The following LIPC variants were observed in gnomAD, a reference collection of about 807,000 sequenced individuals.
LIPC encodes the protein hepatic triacylglycerol lipase.
LIPC carries 44 observed loss-of-function variants against 50.7 expected under a neutral mutation model. The ratio of observed to expected loss-of-function variants is 0.87; its 90% CI spans 0.68 to 1.11. LIPC has a LOEUF of 1.11. Ranked by LOEUF, LIPC falls within the 50% of genes most tolerant of loss-of-function variation. LIPC has a pLI of 0.00. For synonymous variants in LIPC, 271 were observed against 256.4 expected (o/e 1.06, Z -0.54); for missense variants, 697 against 648.2 (o/e 1.08, Z -0.82).
At chr15:58,527,247 C>G (rs1362029856) in intron 1 of LIPC, among the ~76,000 whole-genome samples, 1 of 152,178 alleles carries the variant, frequency 6.6e-6, no homozygotes, top group Non-Finnish European at 1.5e-5. Flanking sequence ...AGTCACTGAA[C>G]CCCTCCTTAT....
At chr15:58,452,677 A>G (rs1316468508) in intron 1 of LIPC, among the ~76,000 whole-genome samples, 2 of 133,936 alleles carry the variant, frequency 1.5e-5, no homozygotes, top group African/African-American at 5.5e-5. Flanking sequence ...GGGATAGGAT[A>G]GTTCTGCTCT....
chr15:58,473,851 T>C (rs1343758209), intron 1 of LIPC: 3 of 152,404 alleles, frequency 2.0e-5, no homozygotes, highest in Non-Finnish European at 4.4e-5. Flanking sequence ...TCCAATAAGA[T>C]CAAGAGTCTT....
At chr15:58,545,170 A>T (rs1439470876) in intron 4 of LIPC, among the ~76,000 whole-genome samples, 2 of 152,314 alleles carry the variant, frequency 1.3e-5, no homozygotes, top group African/African-American at 4.8e-5. Context: ...GATGGTCTTG[A>T]AAGTAGCTTG....
chr15:58,436,873 A>G (rs1893316420), intron 1 of LIPC: 1 of 456,320 alleles, frequency 2.2e-6, no homozygotes, highest in Non-Finnish European at 4.4e-6. Context: ...GATAAAGTAC[A>G]TGTGCTTTTC....
At chr15:58,552,297 G>GAC (rs1253638022) in intron 6 of LIPC, among the ~76,000 whole-genome samples, 1 of 152,192 alleles carries the variant, frequency 6.6e-6, no homozygotes, top group Non-Finnish European at 1.5e-5. Context: ...CACACACAGA[G>GAC]ACACGGTCAG....
intron 1 of LIPC, among the ~76,000 whole-genome samples, chr15:58,449,579 G>A (rs1337291362): frequency 1.3e-5 from 2 of 151,104 alleles, no homozygotes; most frequent in Admixed American, 6.6e-5. Flanking sequence ...TTAAGACAGA[G>A]TCTCACTCTG....
At chr15:58,529,953 G>A (rs755868553) in intron 1 of LIPC, among the ~76,000 whole-genome samples, 8 of 152,220 alleles carry the variant, frequency 5.3e-5, no homozygotes, top group African/African-American at 9.7e-5. Context: ...AAAAGATATC[G>A]CACAGGACAA....
At chr15:58,546,884 G>A (rs777078268) in intron 5 of LIPC, among the ~76,000 whole-genome samples, 33 of 151,904 alleles carry the variant, frequency 2.2e-4, no homozygotes, top group Non-Finnish European at 3.1e-4. Flanking sequence ...GCCTTCCACC[G>A]CCCAGGCCTG....
intron 1 of LIPC, among the ~76,000 whole-genome samples, chr15:58,468,454 C>T (rs1463721552): frequency 6.6e-6 from 1 of 152,018 alleles, no homozygotes; most frequent in Admixed American, 6.5e-5. Context: ...GCAAGATCTC[C>T]AGAAGATTCT....
chr15:58,469,617 T>C (rs1298060211), intron 1 of LIPC, among the ~76,000 whole-genome samples: 5 of 152,196 alleles, frequency 3.3e-5, no homozygotes, highest in African/African-American at 1.2e-4. Context: ...ACCAGGCAGA[T>C]AGACAGGTAA....
At chr15:58,442,099 C>T (rs1321985727) in intron 1 of LIPC, among the ~76,000 whole-genome samples, 1 of 152,166 alleles carries the variant, frequency 6.6e-6, no homozygotes, top group African/African-American at 2.4e-5. Flanking sequence ...AGCTGCACAG[C>T]TTTGGGTGAT....
chr15:58,528,486 C>T (rs1566939625), intron 1 of LIPC, among the ~76,000 whole-genome samples: 1 of 152,184 alleles, frequency 6.6e-6, no homozygotes, highest in African/African-American at 2.4e-5. Context: ...GGGATTTAAG[C>T]CAGGCAATCT....
At chr15:58,542,476 C>T in intron 3 of LIPC, 58 bp from the exon 4 acceptor site, 2 of 1,170,000 alleles carry the variant, frequency 1.7e-6, no homozygotes, top group Admixed American at 1.7e-5. Context: ...CACTGGACCG[C>T]AAAAGGCTTT....
rs1362482970 is a variant in LIPC, at chr15:58,523,832, A to G, written c.89-14501A>G. On this transcript the variant is annotated intron_variant, in intron 1 of 8. Transcript: ENST00000299022. ...TGCCTGCGATCCCAGCTACTTGAGA[A>G]GCTGAGGAGGGAGGATCGCTTGAGC... Among the ~76,000 whole-genome samples, 3 of 152,094 alleles carry G rather than the reference A, an allele frequency of 2.0e-5. No homozygotes were observed. The East Asian group carries it at 5.8e-4, about 29-fold the overall frequency.
chr15:58,494,298 G>T (rs1457168265), intron 1 of LIPC, among the ~76,000 whole-genome samples: 3 of 152,176 alleles, frequency 2.0e-5, no homozygotes, highest in East Asian at 3.9e-4. Flanking sequence ...TGCAATGTGG[G>T]AGAGGACCAC....
intron 1 of LIPC, among the ~76,000 whole-genome samples, chr15:58,466,209 C>T (rs1894557475): frequency 1.3e-5 from 2 of 152,196 alleles, no homozygotes; most frequent in South Asian, 4.1e-4. Flanking sequence ...TGCGATGGGA[C>T]GTGCTGAGGG....
At chr15:58,475,114 C>G (rs1237301467) in intron 1 of LIPC, among the ~76,000 whole-genome samples, 1 of 152,212 alleles carries the variant, frequency 6.6e-6, no homozygotes, top group Non-Finnish European at 1.5e-5. Context: ...CTCCTTCCCC[C>G]ACCTCATGTG....
intron 2 of LIPC, 181 bp from the exon 3 acceptor site, chr15:58,541,604 T>C: frequency 1.5e-6 from 1 of 677,480 alleles, no homozygotes; most frequent in Admixed American, 2.2e-5. Flanking sequence ...CTGCTAAACA[T>C]CGTACAATGC....
chr15:58,461,754 A>G (rs1894357301), intron 1 of LIPC, among the ~76,000 whole-genome samples: 1 of 151,674 alleles, frequency 6.6e-6, no homozygotes, highest in Non-Finnish European at 1.5e-5. Flanking sequence ...TCTGCCTCCT[A>G]TCTATGTGCC....
Sources: gnomAD v4.1 joint callset for allele counts (sites outside exome capture counted in the v4.1 genomes callset) on GRCh38, gnomAD v4.1.1 for gene constraint, MANE v1.5 for transcripts, NCBI Gene and HGNC (gene_info 2026-07-23, HGNC 2026-07-21) for gene names.